KCNN3: variants seen among roughly 807,000 people sequenced by gnomAD.
KCNN3 encodes the protein small conductance calcium-activated potassium channel protein 3.
In KCNN3, 16 loss-of-function variants were observed where a neutral mutation model predicts 62.9. That is an observed-to-expected ratio of 0.25 (90% CI 0.17 to 0.39). The LOEUF (loss-of-function observed/expected upper bound fraction) is 0.39, where lower values mean the gene tolerates loss of function less well. Ranked by LOEUF, KCNN3 falls within the 10% of genes least tolerant of loss-of-function variation. KCNN3 has a pLI of 1.00. For missense variants in KCNN3, 599 were observed against 949.4 expected (o/e 0.63, Z 4.85); for synonymous variants, 370 against 389.2 (o/e 0.95, Z 0.58).
chr1:154,771,857 G>A, intron 3 of KCNN3, 118 bp downstream of exon 3: 1 of 998,356 alleles, frequency 1.0e-6, no homozygotes, highest in Non-Finnish European at 1.6e-6. Context: ...TCTCCTTTCA[G>A]GTGTCTGGGT....
At chr1:154,859,750 C>A in intron 1 of KCNN3, 1 of 1,614,198 alleles carries the variant, frequency 6.2e-7, no homozygotes. Context: ...ACTGTCCTTG[C>A]AGATGTCGCG....
intron 2 of KCNN3, among the ~76,000 whole-genome samples, chr1:154,788,572 A>G (rs1007682248): frequency 6.6e-6 from 1 of 152,098 alleles, no homozygotes; most frequent in Non-Finnish European, 1.5e-5. Flanking sequence ...TCCTTCAAGC[A>G]TCCATGGTTC....
In KCNN3 at chr1:154,861,574, G is replaced by A. The variant is rs144140765; in HGVS notation, c.933+7458C>T. 5.5e-3 allele frequency among the ~76,000 whole-genome samples: 837 copies of A among 152,110 alleles called. 5 individuals are homozygous for A. Among genetic ancestry groups the A allele is most frequent in the Non-Finnish European group, 9.6e-3 (655 of 68,010 alleles). Reference sequence around the variant, plus strand: ...CACACTCAGAATTGAGCCCCTGCCCGAGCCCCTCCCATCATGGCTTGTCTA... The same window carrying A: ...CACACTCAGAATTGAGCCCCTGCCCAAGCCCCTCCCATCATGGCTTGTCTA... On this transcript the variant is annotated intron_variant, in intron 1 of 7. Coordinates refer to ENST00000271915, the MANE Select transcript of KCNN3 (RefSeq NM_002249.6).
chr1:154,788,669 G>A (rs553835605), intron 2 of KCNN3, among the ~76,000 whole-genome samples: 2 of 152,080 alleles, frequency 1.3e-5, no homozygotes, highest in Admixed American at 6.5e-5. Context: ...CACAGCCCAC[G>A]CCGCCAAACC....
chr1:154,828,673 G>A (rs1266082962), intron 1 of KCNN3, among the ~76,000 whole-genome samples: 1 of 152,178 alleles, frequency 6.6e-6, no homozygotes, highest in African/African-American at 2.4e-5. Context: ...ACAGCTGTTA[G>A]GGGATGAGAT....
In KCNN3 at chr1:154,698,159, T is replaced by G. The variant is rs1392839369; in HGVS notation, c.*9817A>C. On this transcript the variant is annotated 3_prime_UTR_variant, in exon 8 of 8. Coordinates refer to ENST00000271915, the MANE Select transcript of KCNN3 (RefSeq NM_002249.6). Reference sequence around the variant, plus strand: ...ACCAACTTAGAAAAAGTCCCAGATATTACATACTCCTTCTAAAGCACCTAA... The same window carrying G: ...ACCAACTTAGAAAAAGTCCCAGATAGTACATACTCCTTCTAAAGCACCTAA... 6.6e-6 allele frequency: 1 copy of G among 152,318 alleles called. No homozygotes were observed. The highest frequency in any genetic ancestry group is 1.9e-4 in the East Asian group (1 of 5,184). The allele number at this position is 152,318 out of a possible 1,614,324, so 9.4% of individuals were successfully genotyped here. A position where few individuals can be genotyped will look rare whatever the true frequency, so the allele number is the denominator to read the frequency against.
intron 2 of KCNN3, among the ~76,000 whole-genome samples, chr1:154,796,602 C>T (rs979407282): frequency 2.0e-5 from 3 of 152,214 alleles, no homozygotes; most frequent in Admixed American, 6.5e-5. Flanking sequence ...GAACTAGTTA[C>T]AAATTTGTGG....
chr1:154,817,967 G>A (rs926317928), intron 2 of KCNN3, among the ~76,000 whole-genome samples: 18 of 152,172 alleles, frequency 1.2e-4, no homozygotes, highest in Middle Eastern at 3.2e-3. Context: ...CATGTAAAAC[G>A]TGAGCCTGCA....
chr1:154,835,282 A>T (rs1315975880), intron 1 of KCNN3, among the ~76,000 whole-genome samples: 1 of 152,228 alleles, frequency 6.6e-6, no homozygotes, highest in Non-Finnish European at 1.5e-5. Flanking sequence ...AATTATTACT[A>T]TGAATGGTAA....
chr1:154,724,144 G>T (rs766574257), intron 5 of KCNN3, among the ~76,000 whole-genome samples: 1 of 152,192 alleles, frequency 6.6e-6, no homozygotes, highest in Non-Finnish European at 1.5e-5. Flanking sequence ...TCCAATAAAT[G>T]TAATCAAAGA....
At chr1:154,819,050 A>T (rs920134296) in intron 2 of KCNN3, among the ~76,000 whole-genome samples, 10 of 152,192 alleles carry the variant, frequency 6.6e-5, no homozygotes, top group Non-Finnish European at 1.5e-4. Flanking sequence ...ACATCACCCA[A>T]AGGGGAGATG....
In KCNN3 at chr1:154,806,762, T is replaced by G. The variant is rs1200142471; in HGVS notation, c.1029+15327A>C. On this transcript the variant is annotated intron_variant, in intron 2 of 7. Coordinates refer to ENST00000271915, the MANE Select transcript of KCNN3 (RefSeq NM_002249.6). ...AACTAGAAAGGGGCCTAAAGGAAAT[T>G]TGGTGCCCAATGAATAAATCTTATG... Among the ~76,000 whole-genome samples the G allele has an allele frequency of 2.0e-5, 3 of 152,154 alleles. No homozygotes were observed. In the East Asian group the frequency reaches 5.8e-4, roughly 29 times the overall value.
chr1:154,714,447 G>T (rs1700176575), intron 6 of KCNN3, among the ~76,000 whole-genome samples: 1 of 139,942 alleles, frequency 7.1e-6, no homozygotes, highest in African/African-American at 2.6e-5. Context: ...GGGGGTGTGT[G>T]TGTGGTGTTT....
At chr1:154,731,299 A>C (rs777981016) in intron 4 of KCNN3, among the ~76,000 whole-genome samples, 1 of 152,208 alleles carries the variant, frequency 6.6e-6, no homozygotes, top group Non-Finnish European at 1.5e-5. Flanking sequence ...GATGGGAGGT[A>C]TTTGTTCTAA....
At chr1:154,788,116 G>A (rs866360256) in intron 2 of KCNN3, among the ~76,000 whole-genome samples, 4 of 152,280 alleles carry the variant, frequency 2.6e-5, no homozygotes, top group South Asian at 2.1e-4. Context: ...TGGGCCTGTC[G>A]GTCACCCTTT....
chr1:154,829,502 G>C (rs1651290959), intron 1 of KCNN3, among the ~76,000 whole-genome samples: 1 of 152,110 alleles, frequency 6.6e-6, no homozygotes, highest in Admixed American at 6.5e-5. Flanking sequence ...CTTCTGTTCT[G>C]GGCCCACCCC....
intron 1 of KCNN3, 143 bp downstream of exon 1, chr1:154,868,889 C>T: frequency 2.2e-6 from 2 of 920,030 alleles, no homozygotes; most frequent in Non-Finnish European, 3.6e-6. Flanking sequence ...AGTCTCCCTC[C>T]CAATCTCTCA....
intron 3 of KCNN3, among the ~76,000 whole-genome samples, chr1:154,760,492 G>A (rs1647952050): frequency 6.6e-6 from 1 of 152,014 alleles, no homozygotes; most frequent in South Asian, 2.1e-4. Flanking sequence ...GCCCAGCCCT[G>A]AAGCCGCTCC....
chr1:154,715,391 A>G (rs1279543519), intron 5 of KCNN3, among the ~76,000 whole-genome samples: 3 of 143,848 alleles, frequency 2.1e-5, no homozygotes, highest in Non-Finnish European at 4.5e-5. Flanking sequence ...AGCTGAGATC[A>G]CGCCATACTC....
Sources: allele counts gnomAD v4.1 joint callset (sites outside exome capture counted in the v4.1 genomes callset), GRCh38; gene constraint gnomAD v4.1.1; transcripts MANE v1.5; gene names NCBI Gene and HGNC (gene_info 2026-07-23, HGNC 2026-07-21).